Variants in RTTN observed in about 807,000 individuals in gnomAD.
The protein encoded by RTTN is rotatin.
A neutral mutation model predicts 269.2 loss-of-function variants in RTTN; 182 were observed. The ratio of observed to expected loss-of-function variants is 0.68; its 90% confidence interval spans 0.60 to 0.76. The LOEUF (loss-of-function observed/expected upper bound fraction) is 0.76, where lower values mean the gene tolerates loss of function less well. Among genes scored for constraint, RTTN ranks in the 30% least tolerant of loss-of-function variants. RTTN has a pLI of 0.00. For synonymous variants in RTTN, 1,006 were observed against 963.5 expected, an observed-to-expected ratio of 1.04 and a Z score of -0.82; for missense variants, 2,545 against 2,608.6, an observed-to-expected ratio of 0.98 and a Z score of 0.53.
intron 12 of RTTN, among the ~76,000 whole-genome samples, chr18:70,168,013 T>C (rs959023582): frequency 1.3e-5 from 2 of 151,212 alleles, no homozygotes; most frequent in East Asian, 2.0e-4. Context: ...CCAGGTGTGG[T>C]AGCATGTGCC....
intron 46 of RTTN, chr18:70,006,708 C>T (rs899750831): frequency 1.6e-5 from 7 of 432,252 alleles, no homozygotes; most frequent in Non-Finnish European, 2.5e-5. Flanking sequence ...GACACTGAAG[C>T]TGCTTCATTT....
chr18:70,103,859 T>G (rs562815299), intron 28 of RTTN, among the ~76,000 whole-genome samples: 1 of 151,912 alleles, frequency 6.6e-6, no homozygotes, highest in African/African-American at 2.4e-5. Context: ...AGAGATCCGC[T>G]GTTAGTCTGA....
At chr18:70,162,928 G>GA (rs1223933483) in intron 14 of RTTN, among the ~76,000 whole-genome samples, 1 of 129,352 alleles carries the variant, frequency 7.7e-6, no homozygotes, top group East Asian at 2.3e-4. Context: ...AAGATTACAT[G>GA]AAAAAAGAAC....
At chr18:70,039,635 A>G (rs2057281325) in intron 40 of RTTN, among the ~76,000 whole-genome samples, 1 of 152,190 alleles carries the variant, frequency 6.6e-6, no homozygotes, top group African/African-American at 2.4e-5. Context: ...ACTCACTGGT[A>G]ATAGTAAGCA....
At chr18:70,119,758 A>G (rs1173363967) in intron 26 of RTTN, among the ~76,000 whole-genome samples, 2 of 152,230 alleles carry the variant, frequency 1.3e-5, no homozygotes, top group East Asian at 1.9e-4. Flanking sequence ...AAAGTAATAC[A>G]TGGTTTCCAT....
At chr18:70,104,323 T>C (rs562081763) in intron 28 of RTTN, among the ~76,000 whole-genome samples, 26 of 152,336 alleles carry the variant, frequency 1.7e-4, no homozygotes, top group Non-Finnish European at 3.1e-4. Context: ...TCTTGTGCCA[T>C]GATTTTCAGC....
intron 23 of RTTN, chr18:70,130,698 A>G (rs2059976699): frequency 6.6e-6 from 1 of 151,980 alleles, no homozygotes; most frequent in Non-Finnish European, 1.5e-5. Context: ...ATTTAGATAG[A>G]AGGAATAAGA....
Position 70,004,108 on chromosome 18 carries a change from C to T in RTTN, c.*43G>A. ...ACAGCTGGCTTCAACTTTAGCTCCC[C>T]TGTTGATGACTGTCAGCTTCAAGGT... On this transcript the variant is annotated 3_prime_UTR_variant, in exon 49 of 49. Coordinates refer to ENST00000640769, the MANE Select transcript of RTTN (RefSeq NM_173630.4). 1.4e-6 allele frequency: 2 copies of T among 1,480,816 alleles called. No individual in the cohort carries two copies. Among genetic ancestry groups the T allele is most frequent in the South Asian group, 1.1e-5 (1 of 87,984 alleles). The allele number at this position is 1,480,816 out of a possible 1,614,324, so 91.7% of individuals were successfully genotyped here.
At position 70,055,306 on chromosome 18, in the gene RTTN, CACACACACACAT is replaced by C. The variant is rs967060614; in HGVS notation, c.5032-1034_5032-1023del. ...AAATCAGTCATTCTCTCTCTCTGTA[CACACACACACAT>C]ACACACACACACACACACTTTTTTT... is the stretch of plus-strand genomic sequence containing the variant. On this transcript the variant is annotated intron_variant, in intron 37 of 48. Coordinates refer to ENST00000640769, the MANE Select transcript of RTTN (RefSeq NM_173630.4). Among the ~76,000 whole-genome samples, 40 of 151,376 alleles carry C rather than the reference CACACACACACAT, an allele frequency of 2.6e-4. 1 individual carries two copies. The highest frequency in any genetic ancestry group is 7.8e-4 in the African/African-American group (32 of 41,198).
chr18:70,089,466 A>T (rs878956839), intron 30 of RTTN, among the ~76,000 whole-genome samples: 2 of 152,192 alleles, frequency 1.3e-5, no homozygotes, highest in Admixed American at 1.3e-4. Flanking sequence ...CCACCCAGAC[A>T]ATGGTATTTT....
At chr18:70,167,628 C>T (rs1485172994) in intron 12 of RTTN, among the ~76,000 whole-genome samples, 1 of 149,970 alleles carries the variant, frequency 6.7e-6, no homozygotes, top group East Asian at 2.0e-4. Flanking sequence ...GAGGCTGAGG[C>T]GGGAGGTGGA....
chr18:70,049,425 C>T (rs1020238878), intron 39 of RTTN, among the ~76,000 whole-genome samples: 4 of 152,008 alleles, frequency 2.6e-5, no homozygotes, highest in African/African-American at 9.7e-5. Context: ...TAATGATATC[C>T]TACGTGGACA....
intron 14 of RTTN, among the ~76,000 whole-genome samples, chr18:70,155,077 G>A (rs569850495): frequency 4.6e-5 from 7 of 152,198 alleles, no homozygotes; most frequent in African/African-American, 1.7e-4. Context: ...AGGTCCCACC[G>A]CCTTCAACTT....
intron 42 of RTTN, 87 bp from the exon 43 acceptor site, chr18:70,028,888 C>T (rs931857101): frequency 9.4e-6 from 8 of 855,550 alleles, no homozygotes; most frequent in African/African-American, 3.3e-5. Context: ...CTTTGGGTCA[C>T]GGGACAATGC....
chr18:70,039,840 G>A (rs750852420), intron 40 of RTTN, among the ~76,000 whole-genome samples: 1 of 152,116 alleles, frequency 6.6e-6, no homozygotes, highest in African/African-American at 2.4e-5. Context: ...AAAGTGTAGA[G>A]TTTTTATTAG....
At chr18:70,089,614 G>A (rs549880870) in intron 30 of RTTN, among the ~76,000 whole-genome samples, 2 of 152,292 alleles carry the variant, frequency 1.3e-5, no homozygotes, top group African/African-American at 4.8e-5. Flanking sequence ...TGAGGTGGAT[G>A]CCAGAAACGT....
chr18:70,092,087 A>T, intron 30 of RTTN, 23 bp downstream of exon 30: 2 of 1,482,386 alleles, frequency 1.3e-6, no homozygotes, highest in South Asian at 2.3e-5. Flanking sequence ...AACACAATAC[A>T]CTTGATTCTC....
At chr18:70,067,951 C>A (rs2058188951) in intron 34 of RTTN, among the ~76,000 whole-genome samples, 1 of 152,118 alleles carries the variant, frequency 6.6e-6, no homozygotes, top group South Asian at 2.1e-4. Context: ...TTAGAAAGTA[C>A]CTTATTGTAT....
At chr18:70,089,633 G>A (rs1599476511) in intron 30 of RTTN, among the ~76,000 whole-genome samples, 1 of 152,174 alleles carries the variant, frequency 6.6e-6, no homozygotes, top group East Asian at 1.9e-4. Flanking sequence ...GTAGACATGG[G>A]TAATTCTCAT....
Sources: allele counts gnomAD v4.1 joint callset (sites outside exome capture counted in the v4.1 genomes callset), GRCh38; gene constraint gnomAD v4.1.1; transcripts MANE v1.5; gene names NCBI Gene and HGNC (gene_info 2026-07-23, HGNC 2026-07-21).